SDHB: variants seen among roughly 807,000 people sequenced by gnomAD.
SDHB encodes the protein succinate dehydrogenase [ubiquinone] iron-sulfur subunit, mitochondrial.
A neutral mutation model predicts 39.7 loss-of-function variants in SDHB; 21 were observed. That is an observed-to-expected ratio of 0.53 (90% CI 0.37 to 0.76). SDHB has a LOEUF of 0.76. Among genes scored for constraint, SDHB ranks in the 30% least tolerant of loss-of-function variants. The pLI is 0.00. For synonymous variants in SDHB, 118 were observed against 117.0 expected (o/e 1.01, Z -0.06); for missense variants, 343 against 350.9 (o/e 0.98, Z 0.18).
At position 17,028,599 on chromosome 1, in the gene SDHB, C is replaced by T. The variant is rs398122805; in HGVS notation, c.423+1G>A. The T allele has an allele frequency of 3.1e-6, 5 of 1,614,064 alleles. No homozygotes were observed. The highest frequency in any genetic ancestry group is 2.2e-5 in the South Asian group (2 of 91,084). Reference sequence around the variant, plus strand: ...AAAACCAGAGAGATGCAGAAACTCACGGGAACAAGATCCTTTATCACATAC... The same window carrying T: ...AAAACCAGAGAGATGCAGAAACTCATGGGAACAAGATCCTTTATCACATAC... On this transcript the variant is annotated splice_donor_variant, in intron 4 of 7. Coordinates refer to ENST00000375499, the MANE Select transcript of SDHB (RefSeq NM_003000.3). LOFTEE classifies it high-confidence loss of function.
intron 5 of SDHB, among the ~76,000 whole-genome samples, chr1:17,025,064 A>C (rs944242452): frequency 3.3e-5 from 5 of 152,212 alleles, no homozygotes; most frequent in Non-Finnish European, 7.3e-5. Context: ...CTGTAATAAG[A>C]AATTAGAATG....
rs12062603 is a variant in SDHB at position 17,042,427 on chromosome 1, G to A, written c.200+2334C>T. Among the ~76,000 whole-genome samples the A allele has an allele frequency of 2.8e-4, 43 of 152,190 alleles. No individual in the cohort carries two copies. In the East Asian group the frequency reaches 8.3e-3, roughly 29 times the overall value. ...TTGTAGGAGGGTTAGTCTGATGAGA[G>A]CTACTGTGACAAAACTGGAAGTAAA... On this transcript the variant is annotated intron_variant, in intron 2 of 7. Transcript: ENST00000375499.
At chr1:17,023,205 T>C in intron 6 of SDHB, 1 of 277,524 alleles carries the variant, frequency 3.6e-6, no homozygotes, top group South Asian at 3.8e-5. Context: ...CTCAGCAGCC[T>C]GAGATCAGCA....
chr1:17,053,516 T>C (rs138481997), intron 1 of SDHB, among the ~76,000 whole-genome samples: 104 of 152,220 alleles, frequency 6.8e-4, no homozygotes, highest in African/African-American at 2.5e-3. Context: ...CCTCGCACCC[T>C]TGAGGAATTA....
intron 6 of SDHB, chr1:17,023,212 A>G (rs762201907): frequency 1.8e-5 from 5 of 275,378 alleles, no homozygotes; most frequent in Non-Finnish European, 3.6e-5. Context: ...GCCTGAGATC[A>G]GCAGGCTGAA....
intron 3 of SDHB, chr1:17,032,821 G>A (rs1027078670): frequency 5.2e-5 from 29 of 559,352 alleles, no homozygotes; most frequent in Non-Finnish European, 7.1e-5. Context: ...CACAGGGACC[G>A]CCAGATGCAG....
intron 1 of SDHB, among the ~76,000 whole-genome samples, chr1:17,053,082 G>A (rs2078157593): frequency 6.6e-6 from 1 of 152,096 alleles, no homozygotes; most frequent in Non-Finnish European, 1.5e-5. Flanking sequence ...ACTTAGAAAG[G>A]ATTTGCAAAT....
At chr1:17,053,910 T>C (rs1187689938) in intron 1 of SDHB, 38 bp downstream of exon 1, 2 of 1,529,610 alleles carry the variant, frequency 1.3e-6, no homozygotes, top group East Asian at 2.3e-5. Context: ...TCTCTGTGGC[T>C]TTCCTGACTT....
rs553132693 is a variant in SDHB, at chr1:17,042,763, G to A, written c.200+1998C>T. Among the ~76,000 whole-genome samples, 6 of 136,094 alleles carry A rather than the reference G, an allele frequency of 4.4e-5. No individual in the cohort carries two copies. In the South Asian group the frequency reaches 7.4e-4, roughly 17 times the overall value. 89.3% of individuals were successfully genotyped at this position (136,094 alleles called of 152,430 possible). ...ATTGCACTGTAACCTGGGTGACAGCGAGACCCTGACTCAAAAAAAAAGGAA... is the reference window on the plus strand; with the variant it reads ...ATTGCACTGTAACCTGGGTGACAGCAAGACCCTGACTCAAAAAAAAAGGAA... On this transcript the variant is annotated intron_variant, in intron 2 of 7. Transcript: ENST00000375499.
intron 4 of SDHB, 28 bp downstream of exon 4, chr1:17,028,572 A>C: frequency 6.2e-7 from 1 of 1,613,558 alleles, no homozygotes; most frequent in East Asian, 2.2e-5. Context: ...GCAAATAAAA[A>C]CAAAACCAGA....
rs149771130 is a variant in SDHB, at chr1:17,039,455, T to C, written c.200+5306A>G. ...AAAAAAAATTGGCCAGGCATAGTGG[T>C]ACATGCCTGTAGTCCCAGGGACATG... On this transcript the variant is annotated intron_variant, in intron 2 of 7. Transcript: ENST00000375499. 9.7e-3 allele frequency among the ~76,000 whole-genome samples: 1,419 copies of C among 146,550 alleles called. 14 individuals carry two copies. Among genetic ancestry groups the C allele is most frequent in the Middle Eastern group, 0.018 (5 of 278 alleles).
intron 5 of SDHB, chr1:17,027,547 C>CTCCTTGGTCCACTCTGGGCCAT: frequency 1.7e-6 from 1 of 585,440 alleles, no homozygotes; most frequent in Non-Finnish European, 3.1e-6. Context: ...AGGGCTCTAG[C>CTCCTTGGTCCACTCTGGGCCAT]TCCTTGGTCC....
chr1:17,026,506 A>G (rs112942305), intron 5 of SDHB, among the ~76,000 whole-genome samples: 2,120 of 151,142 alleles, frequency 0.014, 17 homozygotes, highest in Non-Finnish European at 0.024. Flanking sequence ...CTGGGATTAT[A>G]GGTGTGAGCC....
intron 3 of SDHB, among the ~76,000 whole-genome samples, chr1:17,031,671 C>T (rs1459759184): frequency 6.6e-6 from 1 of 152,158 alleles, no homozygotes. Context: ...ACTTGAAATG[C>T]TTGAAATGTA....
chr1:17,039,941 C>T (rs1428109791), intron 2 of SDHB, among the ~76,000 whole-genome samples: 1 of 152,178 alleles, frequency 6.6e-6, no homozygotes, highest in African/African-American at 2.4e-5. Flanking sequence ...AGCCAAGTTT[C>T]CACCTGGTAT....
At chr1:17,021,892 A>G (rs1360636731) in intron 7 of SDHB, among the ~76,000 whole-genome samples, 1 of 152,194 alleles carries the variant, frequency 6.6e-6, no homozygotes, top group African/African-American at 2.4e-5. Context: ...TTATAAAATT[A>G]CCCAGTCTGA....
At chr1:17,036,279 G>A (rs184763968) in intron 2 of SDHB, among the ~76,000 whole-genome samples, 15 of 152,162 alleles carry the variant, frequency 9.9e-5, no homozygotes, top group African/African-American at 3.6e-4. Flanking sequence ...TTTCAACAAT[G>A]TTTTACAGTT....
intron 1 of SDHB, among the ~76,000 whole-genome samples, chr1:17,050,532 T>A (rs142770191): frequency 6.6e-6 from 1 of 151,906 alleles, no homozygotes; most frequent in Non-Finnish European, 1.5e-5. Context: ...GCACCTGTAA[T>A]CTCAGCTACT....
intron 7 of SDHB, among the ~76,000 whole-genome samples, chr1:17,020,728 A>G (rs749044185): frequency 6.6e-6 from 1 of 152,206 alleles, no homozygotes; most frequent in Non-Finnish European, 1.5e-5. Flanking sequence ...TGTTCCAAGC[A>G]CTTTTATAGC....
Sources: allele counts gnomAD v4.1 joint callset (sites outside exome capture counted in the v4.1 genomes callset), GRCh38; gene constraint gnomAD v4.1.1; transcripts MANE v1.5; gene names NCBI Gene and HGNC (gene_info 2026-07-23, HGNC 2026-07-21).